Variants in BRINP3 observed in about 807,000 individuals in gnomAD.
BRINP3 encodes BMP/retinoic acid inducible neural specific 3.
In BRINP3, 19 loss-of-function variants were observed where a neutral mutation model predicts 71.0. That is an observed-to-expected ratio of 0.27 (90% confidence interval 0.19 to 0.39). The LOEUF (loss-of-function observed/expected upper bound fraction) is 0.39. Ranked by LOEUF, BRINP3 falls within the 10% of genes least tolerant of loss-of-function variation. The probability of loss-of-function intolerance (pLI) is 1.00; values close to 1 mark genes in which losing one functional copy is unlikely to be tolerated. For missense variants in BRINP3, 959 were observed against 940.8 expected (o/e 1.02, Z -0.25); for synonymous variants, 380 against 337.7 (o/e 1.13, Z -1.37).
intron 2 of BRINP3, among the ~76,000 whole-genome samples, chr1:190,330,882 C>A (rs1040451238): frequency 6.6e-6 from 1 of 151,834 alleles, no homozygotes; most frequent in Non-Finnish European, 1.5e-5. Context: ...GAACAGAAAA[C>A]CAAATATGGC....
At chr1:190,239,191 T>G (rs1227303276) in intron 4 of BRINP3, among the ~76,000 whole-genome samples, 1 of 152,084 alleles carries the variant, frequency 6.6e-6, no homozygotes, top group African/African-American at 2.4e-5. Flanking sequence ...GATTACATTT[T>G]GAGATGAGAT....
intron 2 of BRINP3, among the ~76,000 whole-genome samples, chr1:190,310,820 A>G (rs1315491138): frequency 1.3e-5 from 2 of 151,756 alleles, no homozygotes; most frequent in Non-Finnish European, 2.9e-5. Context: ...ATATTTCTTC[A>G]TTCTATAATT....
chr1:190,343,252 G>A (rs1314319863), intron 2 of BRINP3, among the ~76,000 whole-genome samples: 2 of 151,804 alleles, frequency 1.3e-5, no homozygotes, highest in Non-Finnish European at 2.9e-5. Context: ...GTTTGAAGAG[G>A]TAAATATTTA....
At chr1:190,188,850 T>A (rs1653778535) in intron 6 of BRINP3, among the ~76,000 whole-genome samples, 1 of 151,952 alleles carries the variant, frequency 6.6e-6, no homozygotes, top group African/African-American at 2.4e-5. Context: ...AACCTCTGCC[T>A]CCTGGGTTCA....
intron 1 of BRINP3, among the ~76,000 whole-genome samples, chr1:190,462,764 G>A (rs1350707345): frequency 3.3e-5 from 5 of 151,946 alleles, no homozygotes; most frequent in African/African-American, 9.7e-5. Flanking sequence ...TAGTTTTCCT[G>A]TTGTACTCTA....
intron 2 of BRINP3, among the ~76,000 whole-genome samples, chr1:190,309,835 C>T (rs902945930): frequency 6.6e-6 from 1 of 151,698 alleles, no homozygotes; most frequent in African/African-American, 2.4e-5. Flanking sequence ...GAAAATATTA[C>T]TTGGTTAATT....
At chr1:190,108,969 T>C (rs977113000) in intron 7 of BRINP3, among the ~76,000 whole-genome samples, 1 of 152,286 alleles carries the variant, frequency 6.6e-6, no homozygotes, top group African/African-American at 2.4e-5. Context: ...AAGAGCTTCA[T>C]CTGTTCAGTT....
At chr1:190,242,848 C>T (rs1006327410) in intron 4 of BRINP3, among the ~76,000 whole-genome samples, 3 of 151,966 alleles carry the variant, frequency 2.0e-5, no homozygotes, top group Non-Finnish European at 2.9e-5. Context: ...CTGAAGGTTA[C>T]GTGAGAATAA....
Position 190,264,939 on chromosome 1 carries a change from C to G in BRINP3, c.544G>C (p.Ala182Pro). The stretch of plus-strand genomic sequence containing the variant: ...CTGTCCCTGTCAATGAAATAAGAAG[C>G]GGCTAGCTGATGTAGCGTCTCCAGA... ...VTLETLHQLAASYFIDRDSTL... is the reference protein window; with the variant it reads ...VTLETLHQLAPSYFIDRDSTL... The change falls in exon 4 of 8, where the codon GCT (alanine) becomes CCT (proline). Residue 182 changes from alanine (A) to proline (P), a missense_variant. Transcript: ENST00000367462. The G allele has an allele frequency of 6.2e-7, 1 of 1,613,522 alleles. No homozygotes were observed. The highest frequency in any genetic ancestry group is 1.3e-5 in the African/African-American group (1 of 74,956).
At chr1:190,167,406 T>C (rs1386565451) in intron 6 of BRINP3, among the ~76,000 whole-genome samples, 1 of 152,052 alleles carries the variant, frequency 6.6e-6, no homozygotes, top group African/African-American at 2.4e-5. Flanking sequence ...GAAATGGCAT[T>C]TGGACCTATA....
At chr1:190,282,836 G>C (rs1663140520) in intron 2 of BRINP3, among the ~76,000 whole-genome samples, 1 of 151,940 alleles carries the variant, frequency 6.6e-6, no homozygotes, top group African/African-American at 2.4e-5. Flanking sequence ...TACACATACA[G>C]ACCACTTTGA....
In BRINP3 at chr1:190,256,063, T is replaced by C. The variant is rs1275268463; in HGVS notation, c.618+8802A>G. On this transcript the variant is annotated intron_variant, in intron 4 of 7. Coordinates refer to ENST00000367462, the MANE Select transcript of BRINP3 (RefSeq NM_199051.3). ...TCAGGAGCCAGTTGTTCAGTTTCCA[T>C]GTAGTTGTGTGGTTTTGAGTGAGTT... is the stretch of plus-strand genomic sequence containing the variant. Among the ~76,000 whole-genome samples the C allele has an allele frequency of 2.0e-5, 3 of 152,324 alleles. No individual in the cohort carries two copies. The East Asian group carries it at 5.8e-4, about 29-fold the overall frequency.
chr1:190,229,990 A>G (rs1313937287), intron 5 of BRINP3, among the ~76,000 whole-genome samples: 1 of 151,984 alleles, frequency 6.6e-6, no homozygotes, highest in African/African-American at 2.4e-5. Flanking sequence ...ATAAAGAAAA[A>G]TCAAGTGGCT....
chr1:190,138,507 A>G lies in BRINP3; in HGVS notation c.1184+22161T>C, dbSNP rs541139492. On this transcript the variant is annotated intron_variant, in intron 7 of 7. Transcript: ENST00000367462. ...AAAATGACTTGGTAGCTCATTGCAG[A>G]CAAGAGAGTCGTAGGAAAACCCAAA... Among the ~76,000 whole-genome samples, 3 of 152,314 alleles carry G rather than the reference A, an allele frequency of 2.0e-5. No homozygotes were observed. The South Asian group carries it at 6.2e-4, about 32-fold the overall frequency.
chr1:190,303,846 G>A (rs10920691), intron 2 of BRINP3, among the ~76,000 whole-genome samples: 62,747 of 151,414 alleles, frequency 0.41, 13,644 homozygotes, highest in Non-Finnish European at 0.49. Flanking sequence ...GTTAGATAAA[G>A]TAAATATTTT....
intron 4 of BRINP3, among the ~76,000 whole-genome samples, chr1:190,244,781 T>C (rs1659430860): frequency 6.6e-6 from 1 of 152,038 alleles, no homozygotes; most frequent in Non-Finnish European, 1.5e-5. Context: ...TTTCTCCTAC[T>C]CAATGTAGGA....
chr1:190,301,236 C>G, intron 2 of BRINP3, among the ~76,000 whole-genome samples: 1 of 78,536 alleles, frequency 1.3e-5, no homozygotes, highest in South Asian at 5.0e-4. Flanking sequence ...TATATATATA[C>G]ACACATACAT....
At chr1:190,154,715 C>T (rs1656712810) in intron 7 of BRINP3, among the ~76,000 whole-genome samples, 1 of 152,126 alleles carries the variant, frequency 6.6e-6, no homozygotes, top group African/African-American at 2.4e-5. Flanking sequence ...CATGTCAAAA[C>T]AAGACACATG....
At chr1:190,261,888 G>A (rs1001992746) in intron 4 of BRINP3, among the ~76,000 whole-genome samples, 6 of 152,052 alleles carry the variant, frequency 3.9e-5, no homozygotes, top group South Asian at 2.1e-4. Context: ...ACTTTACATC[G>A]AATTGTTTAT....
Sources: allele counts gnomAD v4.1 joint callset (sites outside exome capture counted in the v4.1 genomes callset), GRCh38; gene constraint gnomAD v4.1.1; transcripts MANE v1.5; gene names NCBI Gene and HGNC (gene_info 2026-07-23, HGNC 2026-07-21).